RIIAD1: variants seen among roughly 807,000 people sequenced by gnomAD.
RIIAD1 encodes the protein RIIa domain-containing protein 1.
Under a neutral mutation model 13.3 loss-of-function variants are expected in RIIAD1, and 15 were observed. That is an observed-to-expected ratio of 1.13 (90% CI 0.76 to 1.74). RIIAD1 has a LOEUF of 1.74. RIIAD1 is among the 40% of genes most tolerant of loss of function. The pLI, the probability that RIIAD1 is intolerant of heterozygous loss-of-function variation, is 0.00. For synonymous variants in RIIAD1, 50 were observed against 43.3 expected (o/e 1.16, Z -0.61); for missense variants, 121 against 112.2 (o/e 1.08, Z -0.35).
At chr1:151,727,918 AC>A (rs1484384611) in intron 3 of RIIAD1, among the ~76,000 whole-genome samples, 1 of 152,150 alleles carries the variant, frequency 6.6e-6, no homozygotes, top group Non-Finnish European at 1.5e-5. Flanking sequence ...AGGGTTCTCA[AC>A]CCTAGCTGTA....
At chr1:151,716,794 A>C, upstream of RIIAD1, 1 of 458,540 alleles carries the variant, frequency 2.2e-6, no homozygotes, top group Non-Finnish European at 4.5e-6. Flanking sequence ...CGCTCTCCTC[A>C]ACAAAAACCT....
chr1:151,721,404 C>A (rs1015102912), upstream of RIIAD1: 4 of 432,882 alleles, frequency 9.2e-6, no homozygotes, highest in Non-Finnish European at 1.6e-5. Context: ...CAAGCCCCCG[C>A]CCCGGAGCTC....
intron 1 of RIIAD1, 58 bp from the exon 2 acceptor site, chr1:151,722,028 A>AGGGCT: frequency 1.6e-6 from 2 of 1,266,714 alleles, no homozygotes; most frequent in Non-Finnish European, 2.3e-6. Context: ...TCACATCTCC[A>AGGGCT]GGGCTGAACC....
At chr1:151,719,724 C>T (rs761047239), upstream of RIIAD1, 9 of 673,650 alleles carry the variant, frequency 1.3e-5, no homozygotes, top group African/African-American at 7.2e-5. Context: ...ATAGTGAGTA[C>T]TGAGACGCTG....
chr1:151,714,328 C>T, intron 3 of RIIAD1: 2 of 605,668 alleles, frequency 3.3e-6, no homozygotes, highest in South Asian at 3.9e-5. Context: ...TAGTGTTGCC[C>T]CATGGGCAGC....
At chr1:151,712,355 A>G (rs895664250) in intron 2 of RIIAD1, among the ~76,000 whole-genome samples, 2 of 152,184 alleles carry the variant, frequency 1.3e-5, no homozygotes, top group African/African-American at 4.8e-5. Context: ...AAGACCTCAC[A>G]GTTCTCACAA....
upstream of RIIAD1, among the ~76,000 whole-genome samples, chr1:151,717,511 C>T (rs1212978807): frequency 2.0e-5 from 3 of 152,280 alleles, no homozygotes; most frequent in Non-Finnish European, 4.4e-5. Flanking sequence ...GCCGCGGGCG[C>T]TCTCACTTGT....
rs560599247 is a variant in RIIAD1 at position 151,715,527 on chromosome 1, C to G, written c.21+998C>G. 68 of 979,992 alleles carry G rather than the reference C, an allele frequency of 6.9e-5. No individual in the cohort carries two copies. In the African/African-American group the frequency reaches 1.1e-3, roughly 16 times the overall value. The allele number at this position is 979,992 out of a possible 1,614,324, so 60.7% of individuals were successfully genotyped here. ...TTCTCAGTCTTGCTGCACACGCACA[C>G]ACACACACACCCCTACCCAGCTGCT... On this transcript the variant is annotated intron_variant, in intron 4 of 8. Coordinates refer to the RIIAD1 transcript ENST00000326413.
upstream of RIIAD1, chr1:151,721,442 C>G: frequency 1.5e-6 from 1 of 675,094 alleles, no homozygotes; most frequent in Non-Finnish European, 2.1e-6. Context: ...GCCCCTAGCC[C>G]CTGCTTCGCT....
At chr1:151,723,561 G>A (rs536430974) in intron 2 of RIIAD1, among the ~76,000 whole-genome samples, 43 of 152,136 alleles carry the variant, frequency 2.8e-4, no homozygotes, top group Non-Finnish European at 1.5e-4. Context: ...TTAGTCAGGC[G>A]TGGTGGCACG....
upstream of RIIAD1, among the ~76,000 whole-genome samples, chr1:151,719,027 A>G (rs1673689417): frequency 6.6e-6 from 1 of 152,198 alleles, no homozygotes; most frequent in Non-Finnish European, 1.5e-5. Context: ...AATATTAAAC[A>G]TTCACAAAAA....
chr1:151,728,706 C>A, intron 3 of RIIAD1, 60 bp from the exon 4 acceptor site: 3 of 1,019,552 alleles, frequency 2.9e-6, no homozygotes, highest in South Asian at 1.4e-5. Flanking sequence ...TGTCTCCTTC[C>A]ATGGGTAAAT....
chr1:151,715,255 G>A (rs775819632), intron 4 of RIIAD1, among the ~76,000 whole-genome samples: 7 of 151,810 alleles, frequency 4.6e-5, no homozygotes, highest in African/African-American at 9.7e-5. Context: ...GACCCTGACC[G>A]CCCCCACTTA....
chr1:151,722,411 A>G (rs1445177907), intron 2 of RIIAD1, among the ~76,000 whole-genome samples: 1 of 152,196 alleles, frequency 6.6e-6, no homozygotes, highest in Non-Finnish European at 1.5e-5. Context: ...GTTGAACTTA[A>G]AACAAAAATC....
At chr1:151,721,426 C>T (rs990165238), upstream of RIIAD1, 15 of 520,690 alleles carry the variant, frequency 2.9e-5, no homozygotes, top group Admixed American at 4.4e-5. Context: ...CCCCTCAGTT[C>T]CCTCAGCCCC....
chr1:151,727,873 C>T (rs1378095921), intron 3 of RIIAD1, among the ~76,000 whole-genome samples: 2 of 152,190 alleles, frequency 1.3e-5, no homozygotes, highest in East Asian at 3.8e-4. Flanking sequence ...CCCAAAGGAA[C>T]ATAGCGGCAG....
chr1:151,716,612 C>T (rs904362389), upstream of RIIAD1: 16 of 350,026 alleles, frequency 4.6e-5, no homozygotes, highest in Admixed American at 3.1e-4. Context: ...TCTCTGATGG[C>T]GGCAGGGCTC....
intron 2 of RIIAD1, among the ~76,000 whole-genome samples, chr1:151,713,261 A>G (rs1673179660): frequency 1.3e-5 from 2 of 152,234 alleles, no homozygotes; most frequent in Non-Finnish European, 2.9e-5. Flanking sequence ...GACTTCCTCA[A>G]GAAGGGCAGG....
chr1:151,723,975 G>A (rs1195312401), intron 2 of RIIAD1, among the ~76,000 whole-genome samples: 1 of 152,252 alleles, frequency 6.6e-6, no homozygotes, highest in Non-Finnish European at 1.5e-5. Context: ...CTCCAAGTTA[G>A]TAGTAGTTCC....
Sources: allele counts gnomAD v4.1 joint callset (sites outside exome capture counted in the v4.1 genomes callset), GRCh38; gene constraint gnomAD v4.1.1; transcripts MANE v1.5; gene names NCBI Gene and HGNC (gene_info 2026-07-23, HGNC 2026-07-21).